GHR: variants seen among roughly 807,000 people sequenced by gnomAD.
The protein encoded by GHR is GH receptor.
A neutral mutation model predicts 67.1 loss-of-function variants in GHR; 35 were observed. The ratio of observed to expected loss-of-function variants is 0.52; its 90% CI spans 0.40 to 0.69. The LOEUF is 0.69. Ranked by LOEUF, GHR falls within the 30% of genes least tolerant of loss-of-function variation. The pLI is 0.00. For missense variants in GHR, 792 were observed against 764.6 expected (o/e 1.04, Z -0.42); for synonymous variants, 272 against 269.1 (o/e 1.01, Z -0.10).
intron 3 of GHR, among the ~76,000 whole-genome samples, chr5:42,636,970 T>C (rs760338575): frequency 6.6e-6 from 1 of 152,206 alleles, no homozygotes; most frequent in South Asian, 2.1e-4. Flanking sequence ...CTTTTGAAAA[T>C]ATAGTATGAT....
chr5:42,570,125 C>G (rs775907062), intron 2 of GHR, among the ~76,000 whole-genome samples: 1 of 152,154 alleles, frequency 6.6e-6, no homozygotes, highest in East Asian at 1.9e-4. Context: ...ATATTTCACA[C>G]AAGTATTAGA....
chr5:42,704,636 T>C (rs1758088811), intron 6 of GHR, among the ~76,000 whole-genome samples: 1 of 152,012 alleles, frequency 6.6e-6, no homozygotes, highest in Non-Finnish European at 1.5e-5. Flanking sequence ...GGTGTTCCGG[T>C]GAAGCTTCCA....
chr5:42,500,270 A>G (rs1202776856), intron 1 of GHR, among the ~76,000 whole-genome samples: 1 of 152,220 alleles, frequency 6.6e-6, no homozygotes, highest in Non-Finnish European at 1.5e-5. Flanking sequence ...TGAGCAAAAC[A>G]AAACATATCT....
intron 1 of GHR, among the ~76,000 whole-genome samples, chr5:42,530,367 T>C (rs929295727): frequency 6.6e-6 from 1 of 152,204 alleles, no homozygotes; most frequent in Non-Finnish European, 1.5e-5. Flanking sequence ...TTTTCATGAA[T>C]GAATGGGAGC....
chr5:42,646,596 T>G (rs547758455), intron 3 of GHR, among the ~76,000 whole-genome samples: 1 of 152,252 alleles, frequency 6.6e-6, no homozygotes, highest in East Asian at 1.9e-4. Context: ...TGACTACAAA[T>G]AAAATATTTC....
intron 1 of GHR, among the ~76,000 whole-genome samples, chr5:42,503,841 G>C (rs1367622629): frequency 6.6e-6 from 1 of 152,096 alleles, no homozygotes; most frequent in African/African-American, 2.4e-5. Context: ...GAGGCTTATG[G>C]ATATCTGGGG....
intron 3 of GHR, among the ~76,000 whole-genome samples, chr5:42,636,065 C>T (rs916593653): frequency 6.6e-6 from 1 of 151,740 alleles, no homozygotes; most frequent in Non-Finnish European, 1.5e-5. Flanking sequence ...AAAAAATTAG[C>T]CGGGCGTGGT....
intron 1 of GHR, among the ~76,000 whole-genome samples, chr5:42,438,439 T>G (rs1490933765): frequency 3.3e-5 from 5 of 152,170 alleles, no homozygotes; most frequent in Non-Finnish European, 5.9e-5. Context: ...CAAACTCAGG[T>G]GACTCATTTC....
intron 3 of GHR, among the ~76,000 whole-genome samples, chr5:42,676,089 C>A (rs1262007104): frequency 6.6e-6 from 1 of 152,022 alleles, no homozygotes; most frequent in African/African-American, 2.4e-5. Flanking sequence ...GATCGAGACC[C>A]TCCTGGCCAA....
At chr5:42,658,365 C>G (rs1755371846) in intron 3 of GHR, among the ~76,000 whole-genome samples, 1 of 152,132 alleles carries the variant, frequency 6.6e-6, no homozygotes, top group South Asian at 2.1e-4. Context: ...ATCTAACTTT[C>G]CTGAAGTTAA....
intron 1 of GHR, among the ~76,000 whole-genome samples, chr5:42,505,429 C>T (rs1746730167): frequency 6.6e-6 from 1 of 151,400 alleles, no homozygotes; most frequent in African/African-American, 2.4e-5. Context: ...TACACAATGC[C>T]CAGCCCTGTG....
intron 1 of GHR, among the ~76,000 whole-genome samples, chr5:42,436,310 T>G (rs1743320730): frequency 1.3e-5 from 2 of 152,330 alleles, no homozygotes; most frequent in South Asian, 2.1e-4. Flanking sequence ...TGTATTCAAT[T>G]ACTCCCACAC....
intron 6 of GHR, among the ~76,000 whole-genome samples, chr5:42,710,897 G>C (rs1758422986): frequency 6.6e-6 from 1 of 152,136 alleles, no homozygotes; most frequent in Non-Finnish European, 1.5e-5. Flanking sequence ...CTGCCATTCA[G>C]AGTAATTCTA....
At chr5:42,650,201 G>A (rs773353090) in intron 3 of GHR, among the ~76,000 whole-genome samples, 21 of 152,068 alleles carry the variant, frequency 1.4e-4, no homozygotes, top group Non-Finnish European at 2.4e-4. Context: ...CCGTGATGTT[G>A]CTCAAAGTCA....
At chr5:42,479,595 C>A (rs1745514995) in intron 1 of GHR, among the ~76,000 whole-genome samples, 1 of 152,156 alleles carries the variant, frequency 6.6e-6, no homozygotes, top group African/African-American at 2.4e-5. Context: ...GATTCAACTT[C>A]TTCCTGGTTT....
At chr5:42,465,287 A>G (rs1744675280) in intron 1 of GHR, 7 of 649,554 alleles carry the variant, frequency 1.1e-5, no homozygotes, top group South Asian at 1.9e-5. Flanking sequence ...ACTGAATGTG[A>G]TGATCTTGAA....
chr5:42,491,323 C>T (rs1357794754), intron 1 of GHR, among the ~76,000 whole-genome samples: 1 of 152,112 alleles, frequency 6.6e-6, no homozygotes, highest in Non-Finnish European at 1.5e-5. Context: ...ACAATATAAG[C>T]TGAGGAAACA....
chr5:42,715,706 CAG>C (rs1182016674), intron 8 of GHR, among the ~76,000 whole-genome samples: 1 of 152,138 alleles, frequency 6.6e-6, no homozygotes, highest in African/African-American at 2.4e-5. Context: ...GTTTTGATTT[CAG>C]AGTGAAGATT....
intron 1 of GHR, among the ~76,000 whole-genome samples, chr5:42,535,158 G>A (rs1337584414): frequency 6.6e-6 from 1 of 151,966 alleles, no homozygotes; most frequent in Admixed American, 6.6e-5. Flanking sequence ...AAGCTCTTTA[G>A]TTTAAGTCCC....
Sources: allele counts gnomAD v4.1 joint callset (sites outside exome capture counted in the v4.1 genomes callset), GRCh38; gene constraint gnomAD v4.1.1; transcripts MANE v1.5; gene names NCBI Gene and HGNC (gene_info 2026-07-23, HGNC 2026-07-21).